Variants in RNFT2 observed in about 807,000 individuals in gnomAD.
RNFT2 encodes the protein ring finger protein, transmembrane 2, also known as E3 ubiquitin-protein ligase RNFT2.
A neutral mutation model predicts 53.0 loss-of-function variants in RNFT2; 36 were observed. The ratio of observed to expected loss-of-function variants is 0.68; its 90% CI spans 0.52 to 0.90. The LOEUF is 0.90. Ranked by LOEUF, RNFT2 falls within the 40% of genes least tolerant of loss-of-function variation. The probability of loss-of-function intolerance (pLI) is 0.00; values close to 1 mark genes in which losing one functional copy is unlikely to be tolerated. For synonymous variants in RNFT2, 260 were observed against 253.2 expected (o/e 1.03, Z -0.26); for missense variants, 514 against 585.6 (o/e 0.88, Z 1.26).
chr12:116,763,952 CA>C (rs1237553127), intron 5 of RNFT2, among the ~76,000 whole-genome samples: 7 of 152,134 alleles, frequency 4.6e-5, no homozygotes, highest in African/African-American at 1.7e-4. Flanking sequence ...AGAACCATCC[CA>C]AATGCCCATC....
chr12:116,749,772 ATCC>A, intron 3 of RNFT2, 66 bp from the exon 4 acceptor site: 3 of 1,366,820 alleles, frequency 2.2e-6, no homozygotes, highest in Non-Finnish European at 3.0e-6. Flanking sequence ...ATTAGTCCCC[ATCC>A]TCCTCTGGAG....
Position 116,750,303 on chromosome 12 carries a change from G to A in RNFT2, c.546G>A (p.Lys182=). 1 of 1,598,212 alleles carries A rather than the reference G, an allele frequency of 6.3e-7. No individual in the cohort carries two copies. The highest frequency in any genetic ancestry group is 8.5e-7 in the Non-Finnish European group (1 of 1,178,018). ...TGGCCAAACTGTGCTTTCAGCATAA[G>A]CTCGGTGAGTTCTGGGGGCATGGGT... The part of the protein sequence containing the change: ...ILLAKLCFQH[K]LGIAVCIGMA... The change falls in exon 4 of 11, where the codon AAG becomes AAA. Residue 182 remains lysine (K), a synonymous_variant. Transcript: ENST00000257575.
intron 7 of RNFT2, among the ~76,000 whole-genome samples, chr12:116,801,836 T>TTTGTTTGTTTG (rs1565864614): frequency 8.0e-5 from 12 of 149,784 alleles, no homozygotes; most frequent in African/African-American, 3.0e-4. Flanking sequence ...TTGTTTGTTT[T>TTTGTTTGTTTG]TTTGAGACAG....
At chr12:116,793,517 T>C (rs1263601874) in intron 7 of RNFT2, among the ~76,000 whole-genome samples, 1 of 152,158 alleles carries the variant, frequency 6.6e-6, no homozygotes, top group Admixed American at 6.6e-5. Context: ...TCATATGTGT[T>C]GCATTTGCCT....
intron 7 of RNFT2, among the ~76,000 whole-genome samples, chr12:116,802,127 GCA>G (rs1874829553): frequency 6.6e-6 from 1 of 152,056 alleles, no homozygotes; most frequent in Admixed American, 6.6e-5. Context: ...AGCCTAATAG[GCA>G]TTTTATAAAA....
chr12:116,756,213 C>T (rs1451734783), intron 5 of RNFT2, among the ~76,000 whole-genome samples: 2 of 152,090 alleles, frequency 1.3e-5, no homozygotes, highest in Non-Finnish European at 2.9e-5. Flanking sequence ...GATGTGTTTC[C>T]ATTTGTTCGT....
intron 7 of RNFT2, among the ~76,000 whole-genome samples, chr12:116,795,423 A>T (rs1265483784): frequency 6.6e-6 from 1 of 151,706 alleles, no homozygotes; most frequent in Admixed American, 6.6e-5. Context: ...AAAAAAAAAA[A>T]GAAAGAAGAA....
chr12:116,792,556 C>T (rs903181268), intron 7 of RNFT2, among the ~76,000 whole-genome samples: 5 of 152,092 alleles, frequency 3.3e-5, no homozygotes, highest in African/African-American at 1.2e-4. Context: ...GGCAACTGTC[C>T]AGCTCCCTTT....
intron 7 of RNFT2, among the ~76,000 whole-genome samples, chr12:116,787,784 C>T (rs1874006080): frequency 6.6e-6 from 1 of 151,930 alleles, no homozygotes; most frequent in Non-Finnish European, 1.5e-5. Context: ...AGAGAGGAGG[C>T]AGGTGAGGCT....
chr12:116,778,451 T>C (rs1422104690), intron 6 of RNFT2, among the ~76,000 whole-genome samples: 1 of 152,216 alleles, frequency 6.6e-6, no homozygotes, highest in Non-Finnish European at 1.5e-5. Context: ...CTGCTTCCCC[T>C]TTGGCCTTCT....
chr12:116,837,692 G>A (rs1218228459), intron 10 of RNFT2, among the ~76,000 whole-genome samples: 1 of 152,172 alleles, frequency 6.6e-6, no homozygotes, highest in African/African-American at 2.4e-5. Flanking sequence ...TTGGATCCCA[G>A]AACAGAGAAG....
chr12:116,765,463 T>C (rs1425122776), intron 5 of RNFT2, among the ~76,000 whole-genome samples: 1 of 152,188 alleles, frequency 6.6e-6, no homozygotes, highest in Non-Finnish European at 1.5e-5. Flanking sequence ...ATTGAGCATT[T>C]ACCGAAACCA....
intron 2 of RNFT2, 183 bp from the exon 3 acceptor site, chr12:116,740,853 G>A: frequency 1.5e-6 from 1 of 648,366 alleles, no homozygotes; most frequent in South Asian, 1.8e-5. Flanking sequence ...TTTCCTCATG[G>A]GATAGAATGT....
Position 116,849,798 on chromosome 12 carries a change from T to TTCTC in RNFT2, c.*360_*363dup. 2.2e-6 allele frequency: 2 copies of TTCTC among 925,958 alleles called. No homozygotes were observed. The highest frequency in any genetic ancestry group is 1.3e-6 in the Non-Finnish European group (1 of 759,490). The allele number at this position is 925,958 out of a possible 1,614,324, so 57.4% of individuals were successfully genotyped here. A position where few individuals can be genotyped will look rare whatever the true frequency, so the allele number is the denominator to read the frequency against. On this transcript the variant is annotated 3_prime_UTR_variant, in exon 11 of 11. Coordinates refer to ENST00000257575, the MANE Select transcript of RNFT2 (RefSeq NM_001382266.1). ...CTCTTTCTTTTTTCTTTTCTTTTCT[T>TTCTC]TCTCTCTCTCTCTGTTTCCCTCCCT...
rs1877979224 is a variant in RNFT2 at position 116,852,570 on chromosome 12, C to A, written c.*3122C>A. 6.2e-7 allele frequency: 1 copy of A among 1,611,196 alleles called. No homozygotes were observed. The stretch of plus-strand genomic sequence containing the variant: ...ATGTGAATGCAGCTGCTCTGTTCTC[C>A]CTACCCTGAGGAAAAACCAAAGGGA... On this transcript the variant is annotated 3_prime_UTR_variant, in exon 11 of 11. Transcript: ENST00000257575.
At chr12:116,770,474 T>C (rs1274841199) in intron 6 of RNFT2, among the ~76,000 whole-genome samples, 1 of 152,256 alleles carries the variant, frequency 6.6e-6, no homozygotes, top group Non-Finnish European at 1.5e-5. Flanking sequence ...CATTAAGCGA[T>C]GTATGACTGT....
Position 116,806,047 on chromosome 12 carries a change from C to T in RNFT2, c.882+26699C>T, listed in dbSNP as rs12371218. On this transcript the variant is annotated intron_variant, in intron 7 of 10. Coordinates refer to ENST00000257575, the MANE Select transcript of RNFT2 (RefSeq NM_001382266.1). ...TATAGTCCCCCTTTAAACAAGAGGGCAGCTTTGAAGCTGGCGCTGATGTTT... is the reference window on the plus strand; with the variant it reads ...TATAGTCCCCCTTTAAACAAGAGGGTAGCTTTGAAGCTGGCGCTGATGTTT... Among the ~76,000 whole-genome samples the T allele has an allele frequency of 4.7e-3, 721 of 152,288 alleles. 2 individuals carry two copies. The highest frequency in any genetic ancestry group is 6.2e-3 in the Non-Finnish European group (423 of 68,034).
intron 7 of RNFT2, among the ~76,000 whole-genome samples, chr12:116,813,672 A>G (rs1417827152): frequency 1.3e-5 from 2 of 152,386 alleles, no homozygotes; most frequent in Non-Finnish European, 2.9e-5. Flanking sequence ...TTCCCAGCAC[A>G]GTGCATGGTA....
intron 9 of RNFT2, 36 bp downstream of exon 9, chr12:116,836,061 G>A (rs764376202): frequency 1.6e-5 from 25 of 1,612,484 alleles, no homozygotes; most frequent in Non-Finnish European, 8.5e-6. Flanking sequence ...CCAGGGTCCT[G>A]AGAATCAGGA....
Sources: allele counts gnomAD v4.1 joint callset (sites outside exome capture counted in the v4.1 genomes callset), GRCh38; gene constraint gnomAD v4.1.1; transcripts MANE v1.5; gene names NCBI Gene and HGNC (gene_info 2026-07-23, HGNC 2026-07-21).